The following ARHGAP15 variants were observed in gnomAD, a reference collection of about 807,000 sequenced individuals.
ARHGAP15 encodes the protein rho GTPase-activating protein 15.
Under a neutral mutation model 63.7 loss-of-function variants are expected in ARHGAP15, and 51 were observed. That is an observed-to-expected ratio of 0.80 (90% CI 0.64 to 1.01). ARHGAP15 has a LOEUF of 1.01. Among genes scored for constraint, ARHGAP15 ranks in the 50% least tolerant of loss-of-function variants. ARHGAP15 has a pLI of 0.00. For missense variants in ARHGAP15, 560 were observed against 564.6 expected, an observed-to-expected ratio of 0.99 and a Z score of 0.08; for synonymous variants, 191 against 193.8, an observed-to-expected ratio of 0.99 and a Z score of 0.12.
At chr2:143,256,317 A>G (rs4508545) in intron 6 of ARHGAP15, among the ~76,000 whole-genome samples, 33,857 of 152,044 alleles carry the variant, frequency 0.22, 4,028 homozygotes, top group South Asian at 0.35. Flanking sequence ...ATGTAACTCA[A>G]AATTTCTGCT....
At chr2:143,607,778 G>A (rs1386545898) in intron 11 of ARHGAP15, 2 of 152,136 alleles carry the variant, frequency 1.3e-5, no homozygotes, top group Admixed American at 1.3e-4. Flanking sequence ...AAACAAGATA[G>A]GATTCGGATA....
chr2:143,487,392 T>G lies in ARHGAP15; in HGVS notation c.723T>G (p.Ser241Arg). Residue 241 changes from serine (S) to arginine (R), a missense_variant, in exon 9 of 14, where the codon AGT becomes AGG. Coordinates refer to ENST00000295095, the MANE Select transcript of ARHGAP15 (RefSeq NM_018460.4). ...RKSLMFRLHH[S>R]ASDTSDKNRV... ...CTTCAGTGTTCAGACTGCATCACAG[T>G]GCTTCCGATACAAGCGACAAAAATC... 1 of 1,613,582 alleles carries G rather than the reference T, an allele frequency of 6.2e-7. No homozygotes were observed. Among genetic ancestry groups the G allele is most frequent in the Non-Finnish European group, 8.5e-7 (1 of 1,179,812 alleles).
At chr2:143,561,334 A>G (rs1416253987) in intron 11 of ARHGAP15, among the ~76,000 whole-genome samples, 1 of 152,180 alleles carries the variant, frequency 6.6e-6, no homozygotes, top group East Asian at 1.9e-4. Context: ...AAATCTAGCT[A>G]TGAACCTTCC....
intron 13 of ARHGAP15, among the ~76,000 whole-genome samples, chr2:143,727,476 A>C (rs1188423673): frequency 2.0e-5 from 3 of 152,226 alleles, no homozygotes; most frequent in Non-Finnish European, 4.4e-5. Flanking sequence ...AAAGATATTA[A>C]TGCATTTATC....
chr2:143,478,191 G>A (rs1362650150), intron 8 of ARHGAP15, among the ~76,000 whole-genome samples: 1 of 152,128 alleles, frequency 6.6e-6, no homozygotes, highest in Non-Finnish European at 1.5e-5. Context: ...TGTCCATGGT[G>A]GTTACAGTTC....
At chr2:143,661,996 G>A (rs1267743248) in intron 12 of ARHGAP15, among the ~76,000 whole-genome samples, 2 of 152,350 alleles carry the variant, frequency 1.3e-5, no homozygotes, top group East Asian at 3.9e-4. Context: ...CTGGGGGAGG[G>A]GCGCCCGCCA....
intron 8 of ARHGAP15, among the ~76,000 whole-genome samples, chr2:143,441,825 T>C (rs929580511): frequency 9.8e-5 from 15 of 152,292 alleles, no homozygotes; most frequent in African/African-American, 3.6e-4. Flanking sequence ...GATTAAGTTA[T>C]CATAAAAAAC....
chr2:143,317,187 T>TG (rs200803585), intron 6 of ARHGAP15, among the ~76,000 whole-genome samples: 6,841 of 152,256 alleles, frequency 0.045, no homozygotes, highest in Non-Finnish European at 0.066. Context: ...ATAGACACTT[T>TG]GTCTTTCTTG....
chr2:143,530,560 T>C (rs1694480802), intron 10 of ARHGAP15, among the ~76,000 whole-genome samples: 1 of 152,188 alleles, frequency 6.6e-6, no homozygotes, highest in Non-Finnish European at 1.5e-5. Flanking sequence ...CTTTTTTATA[T>C]AAACCTTCAG....
At chr2:143,640,632 C>G (rs1042567451) in intron 12 of ARHGAP15, 9 of 152,118 alleles carry the variant, frequency 5.9e-5, no homozygotes, top group African/African-American at 2.2e-4. Context: ...GTTACCTGAA[C>G]TTCTGCTAGT....
At chr2:143,644,981 ATT>A (rs1447470182) in intron 12 of ARHGAP15, among the ~76,000 whole-genome samples, 1 of 152,134 alleles carries the variant, frequency 6.6e-6, no homozygotes, top group African/African-American at 2.4e-5. Context: ...CTGCCATATA[ATT>A]GCGACACCAC....
chr2:143,158,118 G>A (rs569179353), intron 2 of ARHGAP15, among the ~76,000 whole-genome samples: 1 of 151,698 alleles, frequency 6.6e-6, no homozygotes, highest in Admixed American at 6.6e-5. Flanking sequence ...ATAACACAAG[G>A]ATCTGATATT....
chr2:143,577,329 A>G (rs1245174950), intron 11 of ARHGAP15, among the ~76,000 whole-genome samples: 2 of 152,134 alleles, frequency 1.3e-5, no homozygotes, highest in Admixed American at 1.3e-4. Context: ...CTTTCAAGAT[A>G]TGAGAATGCT....
rs368828486 is a variant in ARHGAP15, at chr2:143,189,732, G to T, written c.166-12402G>T. On this transcript the variant is annotated intron_variant, in intron 2 of 13. Transcript: ENST00000295095. ...CCACCTCAGCCTCCCAAAGTGCTGG[G>T]ATTACAGGCGTGAGCCACCGCACCC... is the stretch of plus-strand genomic sequence containing the variant. 3.9e-4 allele frequency among the ~76,000 whole-genome samples: 59 copies of T among 152,102 alleles called. No homozygotes were observed. In the South Asian group the frequency reaches 4.4e-3, roughly 11 times the overall value.
At chr2:143,553,907 C>A (rs1695678092) in intron 10 of ARHGAP15, among the ~76,000 whole-genome samples, 1 of 152,144 alleles carries the variant, frequency 6.6e-6, no homozygotes, top group Non-Finnish European at 1.5e-5. Context: ...AAAATCAAGA[C>A]ATGCACTTGA....
intron 1 of ARHGAP15, among the ~76,000 whole-genome samples, chr2:143,151,119 C>T (rs1689797299): frequency 6.6e-6 from 1 of 151,950 alleles, no homozygotes; most frequent in South Asian, 2.1e-4. Flanking sequence ...AGAGAACACC[C>T]TGAAATTAAT....
At chr2:143,295,889 C>G (rs1476622130) in intron 6 of ARHGAP15, among the ~76,000 whole-genome samples, 1 of 151,934 alleles carries the variant, frequency 6.6e-6, no homozygotes, top group Non-Finnish European at 1.5e-5. Context: ...GTTCTGGGAA[C>G]AAAGGCTGGG....
rs189148236 is a variant in ARHGAP15 at position 143,544,744 on chromosome 2, G to A, written c.926-11664G>A. The stretch of plus-strand genomic sequence containing the variant: ...GAGAGTTGGAATTCACCAATTCAAG[G>A]GCCACAGAATATCTTAGAATTGATC... On this transcript the variant is annotated intron_variant, in intron 10 of 13. Coordinates refer to ENST00000295095, the MANE Select transcript of ARHGAP15 (RefSeq NM_018460.4). Among the ~76,000 whole-genome samples, 8 of 152,172 alleles carry A rather than the reference G, an allele frequency of 5.3e-5. No individual in the cohort carries two copies. The East Asian group carries it at 1.5e-3, about 29-fold the overall frequency.
At chr2:143,503,269 C>A (rs1693156518) in intron 9 of ARHGAP15, among the ~76,000 whole-genome samples, 1 of 152,080 alleles carries the variant, frequency 6.6e-6, no homozygotes, top group Admixed American at 6.5e-5. Flanking sequence ...TGAAGAAAAT[C>A]TTTTTCTTTT....
Sources: gnomAD v4.1 joint callset for allele counts (sites outside exome capture counted in the v4.1 genomes callset) on GRCh38, gnomAD v4.1.1 for gene constraint, MANE v1.5 for transcripts, NCBI Gene and HGNC (gene_info 2026-07-23, HGNC 2026-07-21) for gene names.